RBFOX1: variants seen among roughly 807,000 people sequenced by gnomAD.
RBFOX1 encodes RNA binding protein fox-1 homolog 1.
In RBFOX1, 8 loss-of-function variants were observed where a neutral mutation model predicts 57.7. That is an observed-to-expected ratio of 0.14 (90% CI 0.08 to 0.25). The LOEUF (loss-of-function observed/expected upper bound fraction) is 0.25, where lower values mean the gene tolerates loss of function less well. RBFOX1 is among the 10% of genes least tolerant of loss of function. RBFOX1 has a pLI of 1.00. For synonymous variants in RBFOX1, 326 were observed against 222.4 expected, an observed-to-expected ratio of 1.47 and a Z score of -4.15; for missense variants, 611 against 548.5, an observed-to-expected ratio of 1.11 and a Z score of -1.14.
chr16:7,301,537 A>G (rs1353257346), intron 4 of RBFOX1, among the ~76,000 whole-genome samples: 1 of 152,138 alleles, frequency 6.6e-6, no homozygotes, highest in Non-Finnish European at 1.5e-5. Flanking sequence ...TTGGGGAGAA[A>G]ACGGACTGGA....
At chr16:7,502,121 GA>G (rs1370036850) in intron 4 of RBFOX1, among the ~76,000 whole-genome samples, 3 of 151,568 alleles carry the variant, frequency 2.0e-5, no homozygotes, top group Non-Finnish European at 4.4e-5. Context: ...GGCAAACTAT[GA>G]GAGGCTAAAA....
chr16:5,240,028 G>A, exon 1 of RBFOX1: 3 of 1,530,924 alleles, frequency 2.0e-6, no homozygotes, highest in Non-Finnish European at 2.6e-6. Flanking sequence ...ACAGCCCGAG[G>A]ACTGCGAGGA....
At position 5,296,261 on chromosome 16, in the gene RBFOX1, A is replaced by G. The variant is rs991549585; in HGVS notation, c.219+56156A>G. ...GCAGCATCTGCATCTGTGTAGATGC[A>G]TCTTTGAGGGACTATGTTTCGGGTG... On this transcript the variant is annotated intron_variant, in intron 1 of 2. Transcript: ENST00000585867. 5.9e-5 allele frequency among the ~76,000 whole-genome samples: 9 copies of G among 151,896 alleles called. No homozygotes were observed. The East Asian group carries it at 9.7e-4, about 16-fold the overall frequency.
chr16:6,925,236 C>G (rs1265731623), intron 3 of RBFOX1, among the ~76,000 whole-genome samples: 1 of 141,774 alleles, frequency 7.1e-6, no homozygotes, highest in Non-Finnish European at 1.5e-5. Context: ...CGGGCTCAAG[C>G]AATTGTCGTA....
intron 1 of RBFOX1, among the ~76,000 whole-genome samples, chr16:5,263,641 A>G (rs1369725979): frequency 6.6e-6 from 1 of 152,056 alleles, no homozygotes; most frequent in Non-Finnish European, 1.5e-5. Context: ...GTAGTTTGGG[A>G]AAGGAGAAGG....
chr16:6,795,931 C>G (rs1308074031), intron 3 of RBFOX1, among the ~76,000 whole-genome samples: 1 of 152,004 alleles, frequency 6.6e-6, no homozygotes. Context: ...GTCAGTGAAT[C>G]CAAACATTGA....
intron 3 of RBFOX1, among the ~76,000 whole-genome samples, chr16:5,655,311 A>G (rs17138270): frequency 0.1 from 15,247 of 152,144 alleles, 1,286 homozygotes; most frequent in East Asian, 0.4. Flanking sequence ...GTTTTCACCC[A>G]TTTCATGCGG....
At chr16:7,683,195 T>G (rs541991869) in intron 14 of RBFOX1, among the ~76,000 whole-genome samples, 29 of 148,654 alleles carry the variant, frequency 2.0e-4, no homozygotes, top group Middle Eastern at 6.9e-3. Context: ...CAGCTTTTGA[T>G]AGTAGAGTCA....
chr16:7,041,855 G>T (rs910804312), intron 3 of RBFOX1, among the ~76,000 whole-genome samples: 1 of 152,134 alleles, frequency 6.6e-6, no homozygotes, highest in Non-Finnish European at 1.5e-5. Flanking sequence ...TAAGTGCTTT[G>T]CTTAGTAATT....
At chr16:6,371,002 A>T (rs2090355951) in intron 2 of RBFOX1, among the ~76,000 whole-genome samples, 1 of 152,038 alleles carries the variant, frequency 6.6e-6, no homozygotes, top group Non-Finnish European at 1.5e-5. Context: ...TGGGGTGTGC[A>T]TTTTTGCCAG....
chr16:5,637,020 G>A (rs2048704779), intron 3 of RBFOX1, among the ~76,000 whole-genome samples: 1 of 152,096 alleles, frequency 6.6e-6, no homozygotes, highest in Non-Finnish European at 1.5e-5. Flanking sequence ...GGCTTCAAGG[G>A]GTGAAGCTCT....
chr16:6,551,541 C>T (rs997261472), intron 2 of RBFOX1, among the ~76,000 whole-genome samples: 1 of 152,170 alleles, frequency 6.6e-6, no homozygotes, highest in Non-Finnish European at 1.5e-5. Flanking sequence ...TGGTAGCACA[C>T]ACATTCATCA....
At chr16:7,663,884 C>T (rs758447679) in intron 12 of RBFOX1, among the ~76,000 whole-genome samples, 7 of 152,194 alleles carry the variant, frequency 4.6e-5, no homozygotes, top group South Asian at 4.1e-4. Flanking sequence ...CTCACGACCA[C>T]GTAGCTAAGA....
chr16:5,569,536 C>T (rs67426117), intron 2 of RBFOX1, among the ~76,000 whole-genome samples: 50,948 of 138,548 alleles, frequency 0.37, 10,583 homozygotes, highest in East Asian at 0.56. Context: ...TCATCTCATT[C>T]GATTCTCAGA....
At chr16:7,120,197 G>A (rs72763564) in intron 4 of RBFOX1, among the ~76,000 whole-genome samples, 40,052 of 151,760 alleles carry the variant, frequency 0.26, 6,090 homozygotes, top group Admixed American at 0.37. Flanking sequence ...GTGCTTAGAG[G>A]GAAATACATA....
chr16:5,506,839 T>C (rs1472919306), intron 2 of RBFOX1, among the ~76,000 whole-genome samples: 1 of 152,144 alleles, frequency 6.6e-6, no homozygotes, highest in Non-Finnish European at 1.5e-5. Context: ...GGGTCTAAAC[T>C]CTTCTCCAGC....
chr16:7,093,221 T>C (rs1567227664), intron 4 of RBFOX1, among the ~76,000 whole-genome samples: 1 of 152,196 alleles, frequency 6.6e-6, no homozygotes, highest in Non-Finnish European at 1.5e-5. Context: ...GTTAGGGGGC[T>C]GAGAAAATGG....
At chr16:6,309,178 C>G (rs1294608185) in intron 1 of RBFOX1, among the ~76,000 whole-genome samples, 1 of 151,938 alleles carries the variant, frequency 6.6e-6, no homozygotes, top group African/African-American at 2.4e-5. Flanking sequence ...TTGAAATTTC[C>G]CTGGAGTTCA....
At chr16:6,436,999 A>G (rs1025838907) in intron 2 of RBFOX1, among the ~76,000 whole-genome samples, 2 of 152,194 alleles carry the variant, frequency 1.3e-5, no homozygotes, top group Admixed American at 1.3e-4. Context: ...CTTGCTATAT[A>G]TAGAGAGAAG....
Sources: allele counts gnomAD v4.1 joint callset (sites outside exome capture counted in the v4.1 genomes callset), GRCh38; gene constraint gnomAD v4.1.1; transcripts MANE v1.5; gene names NCBI Gene and HGNC (gene_info 2026-07-23, HGNC 2026-07-21).